MGAT4C: variants seen among roughly 807,000 people sequenced by gnomAD.
The protein encoded by MGAT4C is MGAT4 family member C.
MGAT4C carries 19 observed loss-of-function variants against 40.1 expected under a neutral mutation model. That is an observed-to-expected ratio of 0.47 (90% CI 0.33 to 0.70). The LOEUF is 0.70. Ranked by LOEUF, MGAT4C falls within the 30% of genes least tolerant of loss-of-function variation. MGAT4C has a pLI of 0.02. For synonymous variants in MGAT4C, 181 were observed against 187.1 expected (o/e 0.97, Z 0.27); for missense variants, 491 against 563.2 (o/e 0.87, Z 1.30).
At chr12:86,601,903 G>C (rs1961796537) in intron 2 of MGAT4C, among the ~76,000 whole-genome samples, 1 of 152,178 alleles carries the variant, frequency 6.6e-6, no homozygotes, top group Non-Finnish European at 1.5e-5. Flanking sequence ...CTGACCCAGG[G>C]CTGTAACATG....
At chr12:86,518,862 A>AT (rs1255452704) in intron 2 of MGAT4C, among the ~76,000 whole-genome samples, 1 of 152,156 alleles carries the variant, frequency 6.6e-6, no homozygotes, top group African/African-American at 2.4e-5. Context: ...AGCAGTAAAA[A>AT]TTAAAAAAAA....
intron 3 of MGAT4C, among the ~76,000 whole-genome samples, chr12:86,381,252 C>T (rs1025465472): frequency 2.0e-5 from 3 of 152,132 alleles, no homozygotes; most frequent in African/African-American, 4.8e-5. Context: ...GCAGTATATG[C>T]AGTCACCAAA....
intron 4 of MGAT4C, among the ~76,000 whole-genome samples, chr12:86,296,622 C>A (rs1353855361): frequency 6.6e-6 from 1 of 152,208 alleles, no homozygotes; most frequent in Non-Finnish European, 1.5e-5. Flanking sequence ...GGTCCCAGTA[C>A]ACCCTCCGCA....
chr12:86,832,257 T>C (rs1566021450), intron 1 of MGAT4C, among the ~76,000 whole-genome samples: 2 of 151,978 alleles, frequency 1.3e-5, no homozygotes, highest in East Asian at 1.9e-4. Context: ...TATTAGAATA[T>C]TTATAACTAT....
At chr12:86,104,980 C>T (rs538205435) in intron 1 of MGAT4C, among the ~76,000 whole-genome samples, 5 of 152,094 alleles carry the variant, frequency 3.3e-5, no homozygotes, top group Non-Finnish European at 4.4e-5. Flanking sequence ...CTTAACTATC[C>T]GTGGTACTAA....
chr12:86,447,435 A>G (rs1957358728), intron 2 of MGAT4C, among the ~76,000 whole-genome samples: 1 of 152,144 alleles, frequency 6.6e-6, no homozygotes, highest in Non-Finnish European at 1.5e-5. Flanking sequence ...GGCCTCAGTA[A>G]AAAAGAATGA....
At chr12:86,407,317 G>C (rs561147275) in intron 3 of MGAT4C, among the ~76,000 whole-genome samples, 1 of 151,916 alleles carries the variant, frequency 6.6e-6, no homozygotes, top group Non-Finnish European at 1.5e-5. Context: ...AAGCATCTTT[G>C]CTCAGTATTA....
At chr12:86,456,567 G>GT (rs970211710) in intron 2 of MGAT4C, among the ~76,000 whole-genome samples, 1 of 152,184 alleles carries the variant, frequency 6.6e-6, no homozygotes, top group South Asian at 2.1e-4. Flanking sequence ...TATTTTAAGA[G>GT]TTTTTTCATT....
intron 4 of MGAT4C, among the ~76,000 whole-genome samples, chr12:86,326,928 A>G (rs1566291392): frequency 6.6e-6 from 1 of 152,158 alleles, no homozygotes; most frequent in Admixed American, 6.6e-5. Flanking sequence ...ACAATTGTCA[A>G]TTTGTATTTT....
chr12:86,776,458 T>C (rs1951750299), intron 1 of MGAT4C, among the ~76,000 whole-genome samples: 1 of 152,040 alleles, frequency 6.6e-6, no homozygotes, highest in Non-Finnish European at 1.5e-5. Context: ...AGATATCATG[T>C]TACCCTTCAA....
chr12:86,125,678 G>A (rs1361749096), intron 1 of MGAT4C, among the ~76,000 whole-genome samples: 1 of 152,112 alleles, frequency 6.6e-6, no homozygotes, highest in Non-Finnish European at 1.5e-5. Context: ...TTTAGAAAAT[G>A]TCTAATTTTT....
chr12:86,476,812 C>A (rs1029764972), intron 2 of MGAT4C, among the ~76,000 whole-genome samples: 3 of 152,054 alleles, frequency 2.0e-5, no homozygotes, highest in Non-Finnish European at 2.9e-5. Flanking sequence ...CTGTCCTAAG[C>A]AAATTAATGC....
At chr12:86,667,107 T>A (rs1397223017) in intron 2 of MGAT4C, among the ~76,000 whole-genome samples, 1 of 152,168 alleles carries the variant, frequency 6.6e-6, no homozygotes, top group African/African-American at 2.4e-5. Context: ...GATCAGGGCA[T>A]TTACATATAG....
In MGAT4C at chr12:85,977,817, C is replaced by G. The variant is rs1445831724; in HGVS notation, c.*1472G>C. On this transcript the variant is annotated 3_prime_UTR_variant, in exon 5 of 5. Coordinates refer to ENST00000611864, the MANE Select transcript of MGAT4C (RefSeq NM_001351288.2). ...ACACACACACACACACACACACACA[C>G]ACACACACACACACACAGAGTCATC... 1 of 126,552 alleles carries G rather than the reference C, an allele frequency of 7.9e-6. No individual in the cohort carries two copies. The allele number at this position is 126,552 out of a possible 1,614,324, so 7.8% of individuals were successfully genotyped here. A position where few individuals can be genotyped will look rare whatever the true frequency, so the allele number is the denominator to read the frequency against.
intron 4 of MGAT4C, among the ~76,000 whole-genome samples, chr12:86,262,523 T>C (rs892788419): frequency 7.2e-5 from 11 of 152,118 alleles, no homozygotes; most frequent in African/African-American, 2.2e-4. Context: ...CTCTCTTTTG[T>C]TGCATTTATC....
At chr12:86,517,039 C>T (rs981464242) in intron 2 of MGAT4C, among the ~76,000 whole-genome samples, 1 of 152,062 alleles carries the variant, frequency 6.6e-6, no homozygotes, top group African/African-American at 2.4e-5. Context: ...AAAAGATGCA[C>T]AAGTGTTAGC....
chr12:86,228,312 C>G (rs925796977), intron 1 of MGAT4C, among the ~76,000 whole-genome samples: 2 of 151,718 alleles, frequency 1.3e-5, no homozygotes, highest in African/African-American at 4.8e-5. Flanking sequence ...GATTAGCAGT[C>G]TAAAATTTTA....
At position 86,589,428 on chromosome 12, in the gene MGAT4C, A is replaced by G. The variant is rs11104003; in HGVS notation, c.-229+137781T>C. Among the ~76,000 whole-genome samples, 734 of 152,162 alleles carry G rather than the reference A, an allele frequency of 4.8e-3. 2 individuals are homozygous for G. The highest frequency in any genetic ancestry group is 8.0e-3 in the Non-Finnish European group (543 of 67,996). Reference sequence around the variant, plus strand: ...AATAATCAATACCTTACCAACCAAAAAGAGTCCAGGACCAGATGGATTCAC... The same window carrying G: ...AATAATCAATACCTTACCAACCAAAGAGAGTCCAGGACCAGATGGATTCAC... On this transcript the variant is annotated intron_variant, in intron 2 of 7. Transcript: ENST00000548651.
chr12:85,968,565 A>C lies in MGAT4C; in HGVS notation c.*10724T>G, dbSNP rs919849697. On this transcript the variant is annotated 3_prime_UTR_variant, in exon 5 of 5. Coordinates refer to ENST00000611864, the MANE Select transcript of MGAT4C (RefSeq NM_001351288.2). ...ATACCTAAAAAGGGCAGGAAACAAC[A>C]CAGAATAATCTACGCTTGTCATCAT... The C allele has an allele frequency of 6.6e-6, 1 of 151,952 alleles. No individual in the cohort carries two copies. The highest frequency in any genetic ancestry group is 2.4e-5 in the African/African-American group (1 of 41,408). The allele number at this position is 151,952 out of a possible 1,614,324, so 9.4% of individuals were successfully genotyped here.
Sources: allele counts gnomAD v4.1 joint callset (sites outside exome capture counted in the v4.1 genomes callset), GRCh38; gene constraint gnomAD v4.1.1; transcripts MANE v1.5; gene names NCBI Gene and HGNC (gene_info 2026-07-23, HGNC 2026-07-21).